The following MAML2 variants were observed in gnomAD, a reference collection of about 807,000 sequenced individuals.
The protein encoded by MAML2 is mastermind like transcriptional coactivator 2.
Under a neutral mutation model 96.1 loss-of-function variants are expected in MAML2, and 22 were observed. The observed-to-expected ratio is 0.23, with a 90% CI of 0.16 to 0.33. The LOEUF (loss-of-function observed/expected upper bound fraction) is 0.33, where lower values mean the gene tolerates loss of function less well. Ranked by LOEUF, MAML2 falls within the 10% of genes least tolerant of loss-of-function variation. MAML2 has a pLI of 1.00. For synonymous variants in MAML2, 561 were observed against 521.3 expected (o/e 1.08, Z -1.04); for missense variants, 1,367 against 1,392.4 (o/e 0.98, Z 0.29).
chr11:96,121,294 C>G (rs1221607014), intron 1 of MAML2, among the ~76,000 whole-genome samples: 1 of 152,122 alleles, frequency 6.6e-6, no homozygotes, highest in Non-Finnish European at 1.5e-5. Flanking sequence ...CAGGGATATT[C>G]ATTACAGTAT....
At chr11:96,146,951 G>T (rs1860831376) in intron 1 of MAML2, among the ~76,000 whole-genome samples, 1 of 152,132 alleles carries the variant, frequency 6.6e-6, no homozygotes, top group South Asian at 2.1e-4. Flanking sequence ...AAAATGAAAG[G>T]CCATGTGATC....
chr11:96,091,821 G>T, intron 2 of MAML2, 71 bp downstream of exon 2: 3 of 1,533,956 alleles, frequency 2.0e-6, no homozygotes, highest in Non-Finnish European at 2.6e-6. Context: ...CAAACATAAT[G>T]GTAACCACAG....
At chr11:96,313,751 T>TAGGA (rs1310864328) in intron 1 of MAML2, among the ~76,000 whole-genome samples, 1 of 152,226 alleles carries the variant, frequency 6.6e-6, no homozygotes, top group Non-Finnish European at 1.5e-5. Context: ...GGAAGTGATC[T>TAGGA]AGTGTTTTGG....
At chr11:96,232,561 C>T (rs548918709) in intron 1 of MAML2, among the ~76,000 whole-genome samples, 2 of 152,240 alleles carry the variant, frequency 1.3e-5, no homozygotes, top group African/African-American at 2.4e-5. Flanking sequence ...GCTCCGCCTC[C>T]CCGGTTCATG....
At chr11:96,310,982 C>T (rs1212019027) in intron 1 of MAML2, among the ~76,000 whole-genome samples, 1 of 152,152 alleles carries the variant, frequency 6.6e-6, no homozygotes, top group Non-Finnish European at 1.5e-5. Context: ...TCTAAGGAGT[C>T]CCAACTATGT....
chr11:96,157,128 G>A lies in MAML2; in HGVS notation c.514-63611C>T, dbSNP rs1308093200. ...ATTGATAAACATTCTGTGTTTTGTA[G>A]GTTTCTCAATGCTGACATTCGGAGA... On this transcript the variant is annotated intron_variant, in intron 1 of 4. Coordinates refer to ENST00000524717, the MANE Select transcript of MAML2 (RefSeq NM_032427.4). Among the ~76,000 whole-genome samples the A allele has an allele frequency of 2.6e-5, 4 of 152,210 alleles. No individual in the cohort carries two copies. In the East Asian group the frequency reaches 7.7e-4, roughly 29 times the overall value.
intron 1 of MAML2, among the ~76,000 whole-genome samples, chr11:96,140,179 C>G (rs1055838763): frequency 3.3e-5 from 5 of 152,190 alleles, no homozygotes; most frequent in Non-Finnish European, 7.3e-5. Context: ...ATCTGGTACT[C>G]CATTAGACTT....
intron 2 of MAML2, among the ~76,000 whole-genome samples, chr11:96,081,753 A>G (rs774681350): frequency 4.6e-5 from 7 of 152,230 alleles, no homozygotes; most frequent in Non-Finnish European, 1.0e-4. Flanking sequence ...TTCATGCACC[A>G]TGGAAAATTT....
At chr11:96,281,655 A>C (rs951349746) in intron 1 of MAML2, among the ~76,000 whole-genome samples, 2 of 152,176 alleles carry the variant, frequency 1.3e-5, no homozygotes, top group African/African-American at 4.8e-5. Flanking sequence ...GGGGATCACC[A>C]GTTTAAGACT....
intron 4 of MAML2, among the ~76,000 whole-genome samples, chr11:95,983,120 A>G (rs113052305): frequency 0.025 from 3,755 of 152,242 alleles, 76 homozygotes; most frequent in South Asian, 0.085. Context: ...CATTGTTATC[A>G]TAGGAGGTGA....
intron 2 of MAML2, among the ~76,000 whole-genome samples, chr11:96,015,270 T>G (rs981438683): frequency 1.3e-5 from 2 of 152,166 alleles, no homozygotes; most frequent in African/African-American, 4.8e-5. Flanking sequence ...ACAGTACAGT[T>G]CAGTTATATA....
chr11:96,112,953 C>T (rs918375390), intron 1 of MAML2, among the ~76,000 whole-genome samples: 3 of 152,170 alleles, frequency 2.0e-5, no homozygotes, highest in Admixed American at 6.5e-5. Context: ...AGCAAAAGTT[C>T]GCCCTCTGCA....
chr11:96,009,213 A>G (rs574571171), intron 2 of MAML2, among the ~76,000 whole-genome samples: 1 of 152,224 alleles, frequency 6.6e-6, no homozygotes, highest in Non-Finnish European at 1.5e-5. Flanking sequence ...ATTCGCATGT[A>G]TAGCAGTCCT....
At chr11:95,987,154 A>T (rs765756017) in intron 3 of MAML2, among the ~76,000 whole-genome samples, 2 of 152,184 alleles carry the variant, frequency 1.3e-5, no homozygotes, top group South Asian at 4.1e-4. Flanking sequence ...CTGAATAAAG[A>T]AGTAGCTATC....
At chr11:96,184,010 A>T (rs1048806188) in intron 1 of MAML2, among the ~76,000 whole-genome samples, 1 of 152,246 alleles carries the variant, frequency 6.6e-6, no homozygotes, top group Non-Finnish European at 1.5e-5. Flanking sequence ...TGTGGAGGCC[A>T]AAAGTTTGCA....
intron 2 of MAML2, among the ~76,000 whole-genome samples, chr11:95,994,662 T>C (rs1434218792): frequency 1.3e-5 from 2 of 152,134 alleles, no homozygotes; most frequent in Non-Finnish European, 2.9e-5. Context: ...TTGGAGATGG[T>C]AGTTTGCTTT....
At chr11:96,032,987 G>C (rs1335985639) in intron 2 of MAML2, among the ~76,000 whole-genome samples, 1 of 152,074 alleles carries the variant, frequency 6.6e-6, no homozygotes, top group African/African-American at 2.4e-5. Flanking sequence ...TCAAAACTTG[G>C]GGCACTTACA....
chr11:96,174,676 C>G (rs1339194114), intron 1 of MAML2, among the ~76,000 whole-genome samples: 1 of 152,204 alleles, frequency 6.6e-6, no homozygotes, highest in African/African-American at 2.4e-5. Flanking sequence ...GAACCCCACA[C>G]CCAGCCTACT....
At chr11:96,306,979 G>A (rs1414423571) in intron 1 of MAML2, among the ~76,000 whole-genome samples, 1 of 152,162 alleles carries the variant, frequency 6.6e-6, no homozygotes, top group African/African-American at 2.4e-5. Flanking sequence ...TGAATACTCA[G>A]CACTCTATCT....
Sources: allele counts gnomAD v4.1 joint callset (sites outside exome capture counted in the v4.1 genomes callset), GRCh38; gene constraint gnomAD v4.1.1; transcripts MANE v1.5; gene names NCBI Gene and HGNC (gene_info 2026-07-23, HGNC 2026-07-21).